IGF2R: variants seen among roughly 807,000 people sequenced by gnomAD.
IGF2R encodes the protein cation-independent mannose-6-phosphate receptor.
Under a neutral mutation model 270.6 loss-of-function variants are expected in IGF2R, and 91 were observed. The observed-to-expected ratio is 0.34, with a 90% CI of 0.28 to 0.40. IGF2R has a LOEUF of 0.40. IGF2R is among the 10% of genes least tolerant of loss of function. IGF2R has a pLI of 1.00. For missense variants in IGF2R, 2,805 were observed against 3,188.3 expected (o/e 0.88, Z 2.90); for synonymous variants, 1,316 against 1,258.9 (o/e 1.05, Z -0.96).
chr6:160,065,816 A>G (rs2343273), intron 29 of IGF2R, among the ~76,000 whole-genome samples: 4,823 of 41,906 alleles, frequency 0.12, 115 homozygotes, highest in East Asian at 0.33. Context: ...GTGTGTGTGT[A>G]TATATATATA....
At chr6:160,029,255 C>T (rs987290828) in intron 6 of IGF2R, among the ~76,000 whole-genome samples, 2 of 152,220 alleles carry the variant, frequency 1.3e-5, no homozygotes, top group African/African-American at 4.8e-5. Context: ...GCTGGGATTA[C>T]AGGCGTGAGC....
chr6:160,041,257 G>A (rs1339883312), intron 11 of IGF2R, among the ~76,000 whole-genome samples: 1 of 152,060 alleles, frequency 6.6e-6, no homozygotes, highest in African/African-American at 2.4e-5. Flanking sequence ...TCTGATGGGG[G>A]GGATTTCTGG....
intron 4 of IGF2R, 63 bp from the exon 5 acceptor site, chr6:160,024,509 A>T (rs1263358964): frequency 6.5e-7 from 1 of 1,529,488 alleles, no homozygotes; most frequent in African/African-American, 1.4e-5. Flanking sequence ...GACATTGGTC[A>T]TAAGCTTTTC....
At chr6:160,060,847 A>T (rs1473386842) in intron 23 of IGF2R, 130 bp downstream of exon 23, 4 of 777,702 alleles carry the variant, frequency 5.1e-6, no homozygotes, top group African/African-American at 1.8e-5. Flanking sequence ...TTATGCAGGC[A>T]GCGTGACATT....
chr6:160,041,180 G>A (rs1050167133), intron 11 of IGF2R, among the ~76,000 whole-genome samples: 3 of 152,142 alleles, frequency 2.0e-5, no homozygotes, highest in Non-Finnish European at 4.4e-5. Context: ...CTGTCCTTGG[G>A]GGCCTGGAAT....
intron 13 of IGF2R, among the ~76,000 whole-genome samples, chr6:160,045,240 G>T (rs781102162): frequency 2.0e-5 from 3 of 152,098 alleles, no homozygotes; most frequent in African/African-American, 7.2e-5. Flanking sequence ...TTAATAGCGC[G>T]TTTCCAGTGT....
chr6:160,044,486 T>A, intron 12 of IGF2R, 28 bp from the exon 13 acceptor site: 1 of 1,555,680 alleles, frequency 6.4e-7, no homozygotes, highest in Non-Finnish European at 8.8e-7. Flanking sequence ...TAACCACATC[T>A]TCTGTTTTCT....
At chr6:160,075,424 T>G (rs1444749256) in intron 35 of IGF2R, among the ~76,000 whole-genome samples, 4 of 152,100 alleles carry the variant, frequency 2.6e-5, no homozygotes, top group Non-Finnish European at 5.9e-5. Context: ...GCAGTGAGGG[T>G]GGCAGGTCAG....
rs1779617867 is a variant in IGF2R, at chr6:160,106,253, GTCACA to G, written c.*1170_*1174del. The G allele has an allele frequency of 6.5e-6, 1 of 152,802 alleles. No homozygotes were observed. Among genetic ancestry groups the G allele is most frequent in the African/African-American group, 2.4e-5 (1 of 41,284 alleles). 9.5% of individuals were successfully genotyped at this position (152,802 alleles called of 1,614,324 possible). A position where few individuals can be genotyped will look rare whatever the true frequency, so the allele number is the denominator to read the frequency against. On this transcript the variant is annotated 3_prime_UTR_variant, in exon 48 of 48. Transcript: ENST00000356956. ...CGTGGAGGAGGAGGGAGGCCGGGCG[GTCACA>G]GCATGGAGGAGGAGGGAGGCGCTGC...
In IGF2R at chr6:159,969,285, C is replaced by G; in HGVS notation, c.39C>G (p.Pro13=). 2.5e-6 allele frequency: 3 copies of G among 1,186,048 alleles called. No homozygotes were observed. Among genetic ancestry groups the G allele is most frequent in the Non-Finnish European group, 2.1e-6 (2 of 959,998 alleles). 73.5% of individuals were successfully genotyped at this position (1,186,048 alleles called of 1,614,324 possible). A position where few individuals can be genotyped will look rare whatever the true frequency, so the allele number is the denominator to read the frequency against. The change falls in exon 1 of 48, where the codon CCC becomes CCG. Residue 13 remains proline (P), a synonymous_variant. Coordinates refer to ENST00000356956, the MANE Select transcript of IGF2R (RefSeq NM_000876.4). Reference sequence around the variant, plus strand: ...CCGGCCGGAGCCCCCACCTGGGGCCCGCGCCCGCCCGCCGCCCGCAGCGCT... The same window carrying G: ...CCGGCCGGAGCCCCCACCTGGGGCCGGCGCCCGCCCGCCGCCCGCAGCGCT... ...AAAGRSPHLG[P]APARRPQRSL...
At position 160,050,124 on chromosome 6, in the gene IGF2R, C is replaced by T. The variant is rs1778160106; in HGVS notation, c.2515-349C>T. On this transcript the variant is annotated intron_variant, in intron 18 of 47. Coordinates refer to ENST00000356956, the MANE Select transcript of IGF2R (RefSeq NM_000876.4). This position sits in a 1 kb window ranked among gnomAD's most constrained non-coding sequence, Gnocchi z 4.0. ...CCACCGGAATTCAGGATCTGAAGAA[C>T]ATCTTACACGATTATTGAACGAAAG... is the stretch of plus-strand genomic sequence containing the variant. 6.6e-6 allele frequency among the ~76,000 whole-genome samples: 1 copy of T among 152,206 alleles called. No homozygotes were observed. Among genetic ancestry groups the T allele is most frequent in the Non-Finnish European group, 1.5e-5 (1 of 68,040 alleles).
At chr6:160,075,330 G>T (rs1359259088) in intron 35 of IGF2R, among the ~76,000 whole-genome samples, 1 of 152,190 alleles carries the variant, frequency 6.6e-6, no homozygotes, top group South Asian at 2.1e-4. Flanking sequence ...AATGAACAGT[G>T]AACACCTCCT....
chr6:160,028,408 A>T (rs534132345), intron 6 of IGF2R, among the ~76,000 whole-genome samples: 1 of 152,360 alleles, frequency 6.6e-6, no homozygotes, highest in East Asian at 1.9e-4. Context: ...TAGGCCTTCA[A>T]CATACAAATT....
chr6:160,098,647 C>T (rs1272117036), intron 45 of IGF2R, among the ~76,000 whole-genome samples: 8 of 152,026 alleles, frequency 5.3e-5, no homozygotes, highest in Admixed American at 4.6e-4. Flanking sequence ...GGTGAAACCC[C>T]GTCTCTACTA....
In IGF2R at chr6:160,071,904, T is replaced by C. The variant is rs1007630237; in HGVS notation, c.4444-6T>C. On this transcript the variant is annotated splice_polypyrimidine_tract_variant and splice_region_variant and intron_variant, in intron 31 of 47. Coordinates refer to ENST00000356956, the MANE Select transcript of IGF2R (RefSeq NM_000876.4). ...CCCTTCAGGACCTGTCTGTGCTTTGTTGTAGAACTCCAGGCCCATGTTCAT... is the reference window on the plus strand; with the variant it reads ...CCCTTCAGGACCTGTCTGTGCTTTGCTGTAGAACTCCAGGCCCATGTTCAT... 6.2e-7 allele frequency: 1 copy of C among 1,614,152 alleles called. No homozygotes were observed. The highest frequency in any genetic ancestry group is 8.5e-7 in the Non-Finnish European group (1 of 1,179,978).
intron 21 of IGF2R, among the ~76,000 whole-genome samples, chr6:160,058,569 T>C (rs570010397): frequency 6.6e-6 from 1 of 152,342 alleles, no homozygotes; most frequent in Admixed American, 6.5e-5. Flanking sequence ...ATACATACTT[T>C]CTCATAATTG....
chr6:160,059,855 G>C (rs907120089), intron 22 of IGF2R, among the ~76,000 whole-genome samples: 2 of 152,338 alleles, frequency 1.3e-5, no homozygotes, highest in East Asian at 3.9e-4. Context: ...CTGCAGGCAG[G>C]GGTTTTCGTC....
chr6:159,969,222 C>G lies in IGF2R; in HGVS notation c.-25C>G, dbSNP rs1783567020. 1.0e-6 allele frequency: 1 copy of G among 986,656 alleles called. No homozygotes were observed. Among genetic ancestry groups the G allele is most frequent in the Non-Finnish European group, 1.2e-6 (1 of 831,676 alleles). The allele number at this position is 986,656 out of a possible 1,614,324, so 61.1% of individuals were successfully genotyped here. A position where few individuals can be genotyped will look rare whatever the true frequency, so the allele number is the denominator to read the frequency against. On this transcript the variant is annotated 5_prime_UTR_variant, in exon 1 of 48. Transcript: ENST00000356956. ...AGTCGCGCGCCGTTAGCCTCGCGCC[C>G]GCCGCGCAGTCCGGGCCCGGCGCGA...
chr6:160,055,721 G>A (rs1478899328), intron 19 of IGF2R, among the ~76,000 whole-genome samples: 1 of 152,120 alleles, frequency 6.6e-6, no homozygotes, highest in African/African-American at 2.4e-5. Context: ...TTTGTAGGCT[G>A]TGTTTGTGGG....
Sources: gnomAD v4.1 joint callset for allele counts (sites outside exome capture counted in the v4.1 genomes callset) on GRCh38, gnomAD v4.1.1 for gene constraint, Gnocchi (gnomAD v3.1) non-coding constraint, MANE v1.5 for transcripts, NCBI Gene and HGNC (gene_info 2026-07-23, HGNC 2026-07-21) for gene names.